The following TRAF2 variants were observed in gnomAD, a reference collection of about 807,000 sequenced individuals.
The protein encoded by TRAF2 is TNF receptor-associated factor 2.
A neutral mutation model predicts 55.6 loss-of-function variants in TRAF2; 6 were observed. The ratio of observed to expected loss-of-function variants is 0.11; its 90% CI spans 0.06 to 0.21. The LOEUF (loss-of-function observed/expected upper bound fraction) is 0.21, where lower values mean the gene tolerates loss of function less well. Among genes scored for constraint, TRAF2 ranks in the 10% least tolerant of loss-of-function variants. The pLI is 1.00. For synonymous variants in TRAF2, 329 were observed against 276.3 expected, an observed-to-expected ratio of 1.19 and a Z score of -1.89; for missense variants, 561 against 684.5, an observed-to-expected ratio of 0.82 and a Z score of 2.01.
chr9:136,924,981 C>A (rs546472205), intron 10 of TRAF2, among the ~76,000 whole-genome samples: 48 of 152,346 alleles, frequency 3.2e-4, no homozygotes, highest in African/African-American at 1.1e-3. Context: ...TTGTGATCCG[C>A]CCACCTTGGC....
intron 9 of TRAF2, among the ~76,000 whole-genome samples, chr9:136,922,676 G>C (rs1244386565): frequency 6.9e-6 from 1 of 144,320 alleles, no homozygotes; most frequent in African/African-American, 2.6e-5. Context: ...TGGGCCTGGG[G>C]GCGTGTGGAG....
At chr9:136,899,012 G>A (rs1849752436) in intron 2 of TRAF2, 84 bp downstream of exon 2, 7 of 1,401,858 alleles carry the variant, frequency 5.0e-6, no homozygotes, top group South Asian at 3.9e-5. Context: ...GTAGCTCCCA[G>A]CAGAGCCGGG....
At chr9:136,918,743 A>G (rs1232414220) in intron 7 of TRAF2, among the ~76,000 whole-genome samples, 2 of 149,168 alleles carry the variant, frequency 1.3e-5, no homozygotes, top group African/African-American at 5.0e-5. Context: ...GTTTTATTTC[A>G]TTTTATTTTT....
At chr9:136,921,309 G>A (rs1850379319) in intron 9 of TRAF2, 94 bp downstream of exon 9, 3 of 1,505,328 alleles carry the variant, frequency 2.0e-6, no homozygotes, top group African/African-American at 1.4e-5. Flanking sequence ...GCTCCCAAGG[G>A]TGGGGCTGGG....
intron 1 of TRAF2, among the ~76,000 whole-genome samples, chr9:136,895,043 C>A (rs569442719): frequency 6.6e-6 from 1 of 152,242 alleles, no homozygotes; most frequent in East Asian, 1.9e-4. Context: ...AATGGTGGAG[C>A]GGTCCTGAGA....
At chr9:136,912,941 T>C (rs1850152104) in intron 6 of TRAF2, among the ~76,000 whole-genome samples, 1 of 152,210 alleles carries the variant, frequency 6.6e-6, no homozygotes, top group South Asian at 2.1e-4. Flanking sequence ...AAAACCAGCC[T>C]GTCCAACATG....
At chr9:136,909,207 T>C (rs944190004) in intron 5 of TRAF2, among the ~76,000 whole-genome samples, 1 of 25,236 alleles carries the variant, frequency 4.0e-5, no homozygotes, top group African/African-American at 2.6e-4. Context: ...CAAGTCTGAC[T>C]TCGCCTTCCC....
At chr9:136,891,064 C>T (rs1028088056) in intron 1 of TRAF2, among the ~76,000 whole-genome samples, 14 of 152,084 alleles carry the variant, frequency 9.2e-5, no homozygotes, top group Admixed American at 2.6e-4. Context: ...ACCACAGATG[C>T]ATGCCATCAC....
intron 4 of TRAF2, among the ~76,000 whole-genome samples, chr9:136,905,815 G>A (rs1320535522): frequency 6.6e-6 from 1 of 152,064 alleles, no homozygotes; most frequent in East Asian, 1.9e-4. Context: ...TGGGTAAGAT[G>A]GCTCTACCGC....
upstream of TRAF2, among the ~76,000 whole-genome samples, chr9:136,883,181 T>C (rs995611359): frequency 6.6e-6 from 1 of 152,164 alleles, no homozygotes; most frequent in Non-Finnish European, 1.5e-5. Flanking sequence ...GTTTTTTTTT[T>C]ACGTGTCTGT....
At chr9:136,912,792 G>A (rs972494646) in intron 6 of TRAF2, among the ~76,000 whole-genome samples, 7 of 152,044 alleles carry the variant, frequency 4.6e-5, no homozygotes, top group African/African-American at 1.7e-4. Context: ...AGCTGAGATC[G>A]CACCACTGCA....
intron 10 of TRAF2, among the ~76,000 whole-genome samples, chr9:136,924,766 G>A (rs1236688444): frequency 6.6e-6 from 1 of 152,006 alleles, no homozygotes; most frequent in African/African-American, 2.4e-5. Context: ...TTAAGACGGA[G>A]TCTTGCTCTG....
chr9:136,901,167 T>G (rs1026731516), intron 4 of TRAF2, among the ~76,000 whole-genome samples: 2 of 152,222 alleles, frequency 1.3e-5, no homozygotes, highest in Non-Finnish European at 2.9e-5. Flanking sequence ...CGTCACCTTT[T>G]AGGCATTTGG....
At chr9:136,894,427 G>A (rs1849640699) in intron 1 of TRAF2, among the ~76,000 whole-genome samples, 1 of 152,018 alleles carries the variant, frequency 6.6e-6, no homozygotes, top group South Asian at 2.1e-4. Context: ...GGAGTTGGAG[G>A]CAAGTCTCGG....
At chr9:136,918,265 A>ATTT (rs1564419572) in intron 7 of TRAF2, among the ~76,000 whole-genome samples, 58 of 11,598 alleles carry the variant, frequency 5.0e-3, no homozygotes, top group African/African-American at 0.024. Flanking sequence ...ATATTTATTT[A>ATTT]ATTAATTAAT....
intron 7 of TRAF2, among the ~76,000 whole-genome samples, chr9:136,918,235 A>G (rs1489939601): frequency 2.4e-5 from 1 of 42,424 alleles, no homozygotes; most frequent in East Asian, 1.0e-3. Context: ...GTTTATATAT[A>G]TATATATATA....
intron 4 of TRAF2, among the ~76,000 whole-genome samples, chr9:136,906,799 G>A (rs981761434): frequency 2.6e-5 from 4 of 152,186 alleles, no homozygotes; most frequent in South Asian, 4.1e-4. Context: ...TCAGTCTGCC[G>A]GCAGGTCCAC....
chr9:136,909,778 G>T, intron 5 of TRAF2, 142 bp from the exon 6 acceptor site: 1 of 769,856 alleles, frequency 1.3e-6, no homozygotes, highest in Non-Finnish European at 2.2e-6. Flanking sequence ...CTGCCCGGGA[G>T]GAGCACTGTC....
chr9:136,910,120 C>T (rs749764588), intron 6 of TRAF2, 126 bp downstream of exon 6: 6 of 1,060,528 alleles, frequency 5.7e-6, no homozygotes, highest in Non-Finnish European at 8.4e-6. Flanking sequence ...TGCAAAGCCC[C>T]TGTAACGTTG....
Sources: allele counts gnomAD v4.1 joint callset (sites outside exome capture counted in the v4.1 genomes callset), GRCh38; gene constraint gnomAD v4.1.1; transcripts MANE v1.5; gene names NCBI Gene and HGNC (gene_info 2026-07-23, HGNC 2026-07-21).